The following HECTD2 variants were observed in gnomAD, a reference collection of about 807,000 sequenced individuals.
HECTD2 encodes the protein HECT domain E3 ubiquitin protein ligase 2, also known as probable E3 ubiquitin-protein ligase HECTD2.
Under a neutral mutation model 103.2 loss-of-function variants are expected in HECTD2, and 35 were observed. The ratio of observed to expected loss-of-function variants is 0.34; its 90% CI spans 0.26 to 0.45. The LOEUF is 0.45. Among genes scored for constraint, HECTD2 ranks in the 20% least tolerant of loss-of-function variants. The pLI is 1.00. For synonymous variants in HECTD2, 281 were observed against 329.9 expected (o/e 0.85, Z 1.61); for missense variants, 596 against 937.4 (o/e 0.64, Z 4.76).
At chr10:91,427,285 A>G (rs1442434708) in intron 2 of HECTD2, among the ~76,000 whole-genome samples, 1 of 151,784 alleles carries the variant, frequency 6.6e-6, no homozygotes, top group Non-Finnish European at 1.5e-5. Context: ...AGTCTTTGCT[A>G]TTGTGAATAG....
chr10:91,481,878 A>G (rs1204984317), intron 7 of HECTD2, among the ~76,000 whole-genome samples: 1 of 151,844 alleles, frequency 6.6e-6, no homozygotes, highest in Non-Finnish European at 1.5e-5. Flanking sequence ...CAATATTATG[A>G]TATTATAATA....
intron 7 of HECTD2, 102 bp from the exon 8 acceptor site, chr10:91,482,865 A>G: frequency 2.0e-6 from 1 of 496,468 alleles, no homozygotes; most frequent in Non-Finnish European, 3.6e-6. Flanking sequence ...TTATAATCTC[A>G]AATTTTGTTT....
At chr10:91,450,679 GA>G (rs139563239) in intron 2 of HECTD2, among the ~76,000 whole-genome samples, 15,770 of 141,322 alleles carry the variant, frequency 0.11, 1,688 homozygotes, top group African/African-American at 0.29. Flanking sequence ...AGATTTACAA[GA>G]AAAAAAAAAA....
At chr10:91,412,997 C>G (rs1388990893) in intron 1 of HECTD2, among the ~76,000 whole-genome samples, 2 of 152,006 alleles carry the variant, frequency 1.3e-5, no homozygotes, top group East Asian at 3.9e-4. Flanking sequence ...TAATTGTCAT[C>G]AATAACTTTT....
intron 1 of HECTD2, among the ~76,000 whole-genome samples, chr10:91,420,280 C>CA (rs58296918): frequency 3.9e-3 from 429 of 109,854 alleles, no homozygotes; most frequent in East Asian, 7.5e-3. Flanking sequence ...TTTATGATTA[C>CA]AAAAAAAAAA....
At chr10:91,505,377 C>A (rs1030783327) in intron 20 of HECTD2, among the ~76,000 whole-genome samples, 1 of 152,088 alleles carries the variant, frequency 6.6e-6, no homozygotes, top group East Asian at 1.9e-4. Flanking sequence ...TCAGGAAACC[C>A]ATCTCACATG....
rs930685885 is a variant in HECTD2, at chr10:91,497,599, G to A, written c.1681-509G>A. On this transcript the variant is annotated intron_variant, in intron 15 of 20. Transcript: ENST00000298068. ...GCTGGGATTACAGGCATGAGCCACC[G>A]TGCCCGGCTAACCAGAAAATGTTTC... Among the ~76,000 whole-genome samples, 152 of 151,566 alleles carry A rather than the reference G, an allele frequency of 1.0e-3. 1 individual carries two copies. Among genetic ancestry groups the A allele is most frequent in the Non-Finnish European group, 3.7e-4 (25 of 67,910 alleles).
chr10:91,478,319 A>G, intron 6 of HECTD2, 54 bp downstream of exon 6: 2 of 1,056,886 alleles, frequency 1.9e-6, no homozygotes. Context: ...TAACTTACAC[A>G]TCATATATCT....
chr10:91,410,495 C>G lies in HECTD2; in HGVS notation c.57C>G (p.Pro19=). The change falls in exon 1 of 21, where the codon CCC becomes CCG. Residue 19 remains proline, a synonymous_variant. Transcript: ENST00000298068. ...SPATPLVVAA[P]APEERKGKES... is the part of the protein sequence containing the mutation. ...CCACTCCGCTGGTGGTGGCGGCGCC[C>G]GCGCCTGAGGAGAGGAAAGGGAAGG... The G allele has an allele frequency of 6.8e-7, 1 of 1,462,238 alleles. No homozygotes were observed. Among genetic ancestry groups the G allele is most frequent in the South Asian group, 1.3e-5 (1 of 76,402 alleles). 90.6% of individuals were successfully genotyped at this position (1,462,238 alleles called of 1,614,324 possible). A position where few individuals can be genotyped will look rare whatever the true frequency, so the allele number is the denominator to read the frequency against.
At chr10:91,438,090 C>G (rs1251944205) in intron 2 of HECTD2, among the ~76,000 whole-genome samples, 1 of 146,504 alleles carries the variant, frequency 6.8e-6, no homozygotes, top group South Asian at 2.2e-4. Context: ...CTTAAGCCAT[C>G]TTTTTTTTTT....
At chr10:91,462,594 A>G in intron 5 of HECTD2, 1 of 1,044,862 alleles carries the variant, frequency 9.6e-7, no homozygotes, top group Non-Finnish European at 1.2e-6. Context: ...AAGAATTTTC[A>G]TTTGTAACAA....
At chr10:91,490,613 C>T (rs867252822) in intron 11 of HECTD2, among the ~76,000 whole-genome samples, 4 of 151,920 alleles carry the variant, frequency 2.6e-5, no homozygotes, top group South Asian at 4.1e-4. Flanking sequence ...GAGACATGGC[C>T]GGGCGCGGTG....
chr10:91,444,529 C>T (rs12257543), intron 2 of HECTD2, among the ~76,000 whole-genome samples: 4,704 of 152,238 alleles, frequency 0.031, 173 homozygotes, highest in African/African-American at 0.077. Flanking sequence ...AGGCAGAATC[C>T]TTTGCTCAGA....
At position 91,513,771 on chromosome 10, in the gene HECTD2, T is replaced by C. The variant is rs1420327929; in HGVS notation, c.*1387T>C. 1.3e-5 allele frequency: 2 copies of C among 152,632 alleles called. No individual in the cohort carries two copies. The highest frequency in any genetic ancestry group is 2.9e-5 in the Non-Finnish European group (2 of 68,038). 9.5% of individuals were successfully genotyped at this position (152,632 alleles called of 1,614,324 possible). On this transcript the variant is annotated 3_prime_UTR_variant, in exon 21 of 21. Coordinates refer to ENST00000298068, the MANE Select transcript of HECTD2 (RefSeq NM_182765.6). The stretch of plus-strand genomic sequence containing the variant: ...TACTTTCCCCAAAATCTTTCTGGGC[T>C]AGGCTATTTTCTTGCTATGCTTCCT...
Position 91,490,890 on chromosome 10 carries a change from C to CAAAAA in HECTD2, c.1192-285_1192-281dup, listed in dbSNP as rs61035151. ...TGGGCGAAAGAGTGAGACTCCGTCT[C>CAAAAA]AAAAAAAAAAAAAAAAAAAAAAAAA... On this transcript the variant is annotated intron_variant, in intron 11 of 20. Transcript: ENST00000298068. Among the ~76,000 whole-genome samples the CAAAAA allele has an allele frequency of 7.7e-3, 104 of 13,554 alleles. 5 individuals carry two copies. The highest frequency in any genetic ancestry group is 0.011 in the Non-Finnish European group (72 of 6,590). 8.9% of individuals were successfully genotyped at this position (13,554 alleles called of 152,430 possible). A position where few individuals can be genotyped will look rare whatever the true frequency, so the allele number is the denominator to read the frequency against.
intron 5 of HECTD2, among the ~76,000 whole-genome samples, chr10:91,465,850 A>AT (rs1204923200): frequency 1.3e-5 from 2 of 151,774 alleles, no homozygotes; most frequent in Non-Finnish European, 2.9e-5. Flanking sequence ...TTTGTTGAGG[A>AT]TTTTTTTGCA....
chr10:91,483,823 T>C (rs1401659890), intron 8 of HECTD2, among the ~76,000 whole-genome samples: 4 of 151,952 alleles, frequency 2.6e-5, no homozygotes, highest in Non-Finnish European at 4.4e-5. Context: ...ACACACTTCA[T>C]TTAATAGAAG....
intron 7 of HECTD2, among the ~76,000 whole-genome samples, chr10:91,482,475 A>G (rs1846129146): frequency 6.6e-6 from 1 of 151,946 alleles, no homozygotes; most frequent in South Asian, 2.1e-4. Context: ...TCATTTTACA[A>G]TGGCAAAAGT....
At chr10:91,412,559 A>G (rs1842961980) in intron 1 of HECTD2, among the ~76,000 whole-genome samples, 1 of 151,146 alleles carries the variant, frequency 6.6e-6, no homozygotes, top group African/African-American at 2.4e-5. Context: ...TGTTCAAGCC[A>G]TTCTCCTGCC....
Sources: gnomAD v4.1 joint callset for allele counts (sites outside exome capture counted in the v4.1 genomes callset) on GRCh38, gnomAD v4.1.1 for gene constraint, MANE v1.5 for transcripts, NCBI Gene and HGNC (gene_info 2026-07-23, HGNC 2026-07-21) for gene names.